ASTN2: variants seen among roughly 807,000 people sequenced by gnomAD.
ASTN2 encodes the protein astrotactin-2.
A neutral mutation model predicts 139.8 loss-of-function variants in ASTN2; 54 were observed. The observed-to-expected ratio is 0.39, with a 90% confidence interval of 0.31 to 0.48. The LOEUF is 0.48. ASTN2 is among the 20% of genes least tolerant of loss of function. ASTN2 has a pLI of 0.95. For missense variants in ASTN2, 1,565 were observed against 1,725.1 expected (o/e 0.91, Z 1.64); for synonymous variants, 756 against 719.5 (o/e 1.05, Z -0.81).
intron 19 of ASTN2, among the ~76,000 whole-genome samples, chr9:116,576,545 C>G (rs558879682): frequency 3.3e-5 from 5 of 152,256 alleles, no homozygotes; most frequent in African/African-American, 1.2e-4. Context: ...GGCACTGCCA[C>G]AGGGAGAGCA....
chr9:116,744,272 A>C, intron 13 of ASTN2, among the ~76,000 whole-genome samples: 1 of 152,328 alleles, frequency 6.6e-6, no homozygotes, highest in African/African-American at 2.4e-5. Flanking sequence ...GCGAGTGAGA[A>C]GCAAGGATGG....
chr9:116,524,264 TG>T (rs1850998535), intron 19 of ASTN2, among the ~76,000 whole-genome samples: 1 of 152,216 alleles, frequency 6.6e-6, no homozygotes, highest in African/African-American at 2.4e-5. Context: ...TACAAATTTT[TG>T]TTATAGACTT....
intron 1 of ASTN2, among the ~76,000 whole-genome samples, chr9:117,328,737 T>C (rs780203246): frequency 2.0e-5 from 3 of 152,162 alleles, no homozygotes; most frequent in Non-Finnish European, 4.4e-5. Context: ...GACTAGAACA[T>C]GGGGCCTTTC....
intron 5 of ASTN2, among the ~76,000 whole-genome samples, chr9:117,057,881 A>C (rs1470196842): frequency 6.6e-6 from 1 of 152,170 alleles, no homozygotes; most frequent in Non-Finnish European, 1.5e-5. Context: ...GGTTCCTCCA[A>C]AGATAAAATA....
At chr9:116,889,580 C>T (rs763472557) in intron 10 of ASTN2, among the ~76,000 whole-genome samples, 2 of 151,838 alleles carry the variant, frequency 1.3e-5, no homozygotes, top group Non-Finnish European at 2.9e-5. Flanking sequence ...TTCATGTGTG[C>T]CTGGTATAAT....
chr9:117,371,562 C>T (rs549108273), intron 1 of ASTN2, among the ~76,000 whole-genome samples: 9 of 152,068 alleles, frequency 5.9e-5, no homozygotes, highest in Admixed American at 3.3e-4. Context: ...CATCTTCCCC[C>T]CAATAGTTGT....
intron 6 of ASTN2, among the ~76,000 whole-genome samples, chr9:117,021,816 C>T (rs7875499): frequency 0.052 from 7,963 of 152,134 alleles, 517 homozygotes; most frequent in African/African-American, 0.16. Context: ...TTAGTATAAA[C>T]GAGGTAATAG....
At chr9:117,378,913 C>T (rs1346461003) in intron 1 of ASTN2, among the ~76,000 whole-genome samples, 2 of 152,122 alleles carry the variant, frequency 1.3e-5, no homozygotes, top group Non-Finnish European at 2.9e-5. Flanking sequence ...CCCCTTGGTG[C>T]TGTTCTAGGG....
intron 5 of ASTN2, among the ~76,000 whole-genome samples, chr9:117,084,345 CCCACAAA>C (rs1320632196): frequency 1.3e-5 from 2 of 152,310 alleles, no homozygotes; most frequent in East Asian, 1.9e-4. Context: ...GGAGTCCACT[CCCACAAA>C]CCACAAACAG....
chr9:117,198,592 C>T lies in ASTN2; in HGVS notation c.1015+15766G>A, dbSNP rs150341373. On this transcript the variant is annotated intron_variant, in intron 3 of 22. Coordinates refer to ENST00000313400, the MANE Select transcript of ASTN2 (RefSeq NM_001365068.1). ...AGCCTTGCTATTACAAATAGTGCTGCAATAAACATACATGTGCATGTATCT... is the reference window on the plus strand; with the variant it reads ...AGCCTTGCTATTACAAATAGTGCTGTAATAAACATACATGTGCATGTATCT... 1.3e-4 allele frequency among the ~76,000 whole-genome samples: 20 copies of T among 152,222 alleles called. No individual in the cohort carries two copies. In the East Asian group the frequency reaches 3.9e-3, roughly 29 times the overall value.
chr9:116,911,970 T>TAA (rs35631088), intron 10 of ASTN2, among the ~76,000 whole-genome samples: 29 of 152,040 alleles, frequency 1.9e-4, no homozygotes, highest in Admixed American at 1.8e-3. Context: ...TAAAATTAGT[T>TAA]AAAAAAAACT....
chr9:116,432,931 GGGAAGGAAGGAA>G (rs916411736), intron 22 of ASTN2, among the ~76,000 whole-genome samples: 1 of 149,342 alleles, frequency 6.7e-6, no homozygotes, highest in Non-Finnish European at 1.5e-5. Flanking sequence ...CTCCATCTTG[GGGAAGGAAGGAA>G]GGAAGAAAGG....
rs114146055 is a variant in ASTN2, at chr9:116,551,432, T to C, written c.3356-63932A>G. Reference sequence around the variant, plus strand: ...CCTGTCCTGTTTCATCTGGGCCGTATAGACTAGGAGAGGGATGTTTGAGAG... The same window carrying C: ...CCTGTCCTGTTTCATCTGGGCCGTACAGACTAGGAGAGGGATGTTTGAGAG... On this transcript the variant is annotated intron_variant, in intron 19 of 22. Transcript: ENST00000313400. Among the ~76,000 whole-genome samples the C allele has an allele frequency of 6.6e-3, 1,003 of 152,282 alleles. 16 individuals are homozygous for C. Among genetic ancestry groups the C allele is most frequent in the African/African-American group, 0.023 (946 of 41,566 alleles).
chr9:116,643,334 A>G (rs953958870), intron 17 of ASTN2, among the ~76,000 whole-genome samples: 1 of 152,180 alleles, frequency 6.6e-6, no homozygotes, highest in African/African-American at 2.4e-5. Flanking sequence ...TTTCCTGTAA[A>G]GGACTAGAAA....
intron 10 of ASTN2, 56 bp downstream of exon 10, chr9:116,975,152 G>T: frequency 6.8e-7 from 1 of 1,478,348 alleles, no homozygotes; most frequent in South Asian, 1.5e-5. Context: ...CTCCAACAGG[G>T]GGACTTCCAA....
At chr9:116,439,678 C>T (rs1847783771) in intron 22 of ASTN2, among the ~76,000 whole-genome samples, 1 of 152,152 alleles carries the variant, frequency 6.6e-6, no homozygotes, top group Admixed American at 6.5e-5. Context: ...TCTCTCTGCT[C>T]CAAATACCCA....
intron 6 of ASTN2, among the ~76,000 whole-genome samples, chr9:117,039,462 C>T (rs1838488349): frequency 6.6e-6 from 1 of 151,906 alleles, no homozygotes; most frequent in Non-Finnish European, 1.5e-5. Flanking sequence ...AGAGCATTAG[C>T]ACAAATACCT....
chr9:116,948,698 A>T (rs936609089), intron 10 of ASTN2, among the ~76,000 whole-genome samples: 2 of 135,348 alleles, frequency 1.5e-5, no homozygotes, highest in African/African-American at 5.7e-5. Context: ...TATATGTGTG[A>T]GTGTGTGTGT....
At chr9:116,724,533 G>A (rs1206316625) in intron 16 of ASTN2, among the ~76,000 whole-genome samples, 1 of 152,216 alleles carries the variant, frequency 6.6e-6, no homozygotes, top group African/African-American at 2.4e-5. Flanking sequence ...GACAGGAGGT[G>A]TAGAGCACCC....
Sources: allele counts gnomAD v4.1 joint callset (sites outside exome capture counted in the v4.1 genomes callset), GRCh38; gene constraint gnomAD v4.1.1; transcripts MANE v1.5; gene names NCBI Gene and HGNC (gene_info 2026-07-23, HGNC 2026-07-21).